The following PHRF1 variants were observed in gnomAD, a reference collection of about 807,000 sequenced individuals.
PHRF1 encodes PHD and ring finger domains 1, also known as PHD and RING finger domain-containing protein 1.
In PHRF1, 53 loss-of-function variants were observed where a neutral mutation model predicts 128.9. The observed-to-expected ratio is 0.41, with a 90% CI of 0.33 to 0.52. The LOEUF (loss-of-function observed/expected upper bound fraction) is 0.52, where lower values mean the gene tolerates loss of function less well. Among genes scored for constraint, PHRF1 ranks in the 20% least tolerant of loss-of-function variants. PHRF1 has a pLI of 0.21. For missense variants in PHRF1, 2,503 were observed against 2,284.5 expected (o/e 1.10, Z -1.95); for synonymous variants, 1,178 against 980.6 (o/e 1.20, Z -3.76).
chr11:601,217 G>C (rs926528247), intron 9 of PHRF1, among the ~76,000 whole-genome samples: 7 of 152,108 alleles, frequency 4.6e-5, no homozygotes, highest in Non-Finnish European at 1.5e-5. Context: ...GGCTGAGGCA[G>C]GAGGATCGCT....
intron 4 of PHRF1, among the ~76,000 whole-genome samples, chr11:587,755 CT>C (rs1854662775): frequency 6.6e-6 from 1 of 152,160 alleles, no homozygotes; most frequent in African/African-American, 2.4e-5. Context: ...TAGGGGCCAT[CT>C]TGGCCTGCAA....
chr11:591,800 G>A (rs961398838), intron 5 of PHRF1, among the ~76,000 whole-genome samples: 2 of 152,116 alleles, frequency 1.3e-5, no homozygotes, highest in African/African-American at 4.8e-5. Flanking sequence ...AGGCTGGAGT[G>A]CAGTAGCACA....
chr11:586,943 C>T (rs1854602320), intron 3 of PHRF1, among the ~76,000 whole-genome samples: 1 of 152,150 alleles, frequency 6.6e-6, no homozygotes, highest in Non-Finnish European at 1.5e-5. Context: ...CTGTGCTAGG[C>T]CCCAGGGCTG....
chr11:608,066 C>G lies in PHRF1; in HGVS notation c.2610C>G (p.Ala870=). 6.2e-7 allele frequency: 1 copy of G among 1,611,662 alleles called. No individual in the cohort carries two copies. The highest frequency in any genetic ancestry group is 8.5e-7 in the Non-Finnish European group (1 of 1,179,872). Residue 870 remains alanine, a synonymous_variant, in exon 14 of 18, where the codon GCC becomes GCG. Transcript: ENST00000264555. ...CCATCTCCATCAACAGCCCGAAGGC[C>G]CAGACGGTGCAGGCTGTGCGCTGCG... The part of the protein sequence containing the change: ...TRTISINSPK[A]QTVQAVRCVT...
In PHRF1 at chr11:582,000, G is replaced by C. The variant is rs1419741372; in HGVS notation, c.133G>C (p.Asp45His). 6.2e-7 allele frequency: 1 copy of C among 1,607,752 alleles called. No individual in the cohort carries two copies. Among genetic ancestry groups the C allele is most frequent in the Non-Finnish European group, 8.5e-7 (1 of 1,177,302 alleles). The change falls in exon 3 of 18, where the codon GAC (aspartate) becomes CAC (histidine). Residue 45 changes from aspartate to histidine, a missense_variant. Coordinates refer to ENST00000264555, the MANE Select transcript of PHRF1 (RefSeq NM_001286581.2). ...GGGCAGCAGTGGGGACTCTGGGGAC[G>C]ACAGTGACAGCGAGCATGGAGATGG... Reference protein sequence around the residue: ...SVGSSGDSGDDSDSEHGDGTD... With the variant: ...SVGSSGDSGDHSDSEHGDGTD...
chr11:599,773 G>T (rs1337411028), intron 9 of PHRF1, among the ~76,000 whole-genome samples: 1 of 151,210 alleles, frequency 6.6e-6, no homozygotes, highest in East Asian at 2.0e-4. Context: ...AGGGTCCTGG[G>T]TCTCCAGAGG....
rs368560706 is a variant in PHRF1 at position 602,682 on chromosome 11, A to AAAAAC, written c.1152+1002_1152+1006dup. On this transcript the variant is annotated intron_variant, in intron 10 of 17. Coordinates refer to ENST00000264555, the MANE Select transcript of PHRF1 (RefSeq NM_001286581.2). ...GGAGACGAGAGCAAAACTCTGCCTC[A>AAAAAC]AAAACAAAACAAAACAAAACAAAAC... 8.1e-3 allele frequency among the ~76,000 whole-genome samples: 1,228 copies of AAAAAC among 152,184 alleles called. 12 individuals are homozygous for AAAAAC. The highest frequency in any genetic ancestry group is 0.012 in the Non-Finnish European group (784 of 67,998).
intron 6 of PHRF1, among the ~76,000 whole-genome samples, chr11:594,233 C>T (rs1369640571): frequency 6.6e-6 from 1 of 152,186 alleles, no homozygotes; most frequent in Non-Finnish European, 1.5e-5. Context: ...CCTGGGCTGG[C>T]CTGGAATCGC....
chr11:585,308 C>T lies in PHRF1; in HGVS notation c.215-1951C>T, dbSNP rs1186315282. ...TTCCAGCTTGAGGTAGTAGCCCTTT[C>T]CAGCTTGAGGTAGTAGCCCTTTCCA... On this transcript the variant is annotated intron_variant, in intron 3 of 17. Coordinates refer to ENST00000264555, the MANE Select transcript of PHRF1 (RefSeq NM_001286581.2). 7.8e-3 allele frequency among the ~76,000 whole-genome samples: 287 copies of T among 36,622 alleles called. 5 individuals are homozygous for T. Among genetic ancestry groups the T allele is most frequent in the African/African-American group, 0.035 (267 of 7,638 alleles). 24.0% of individuals were successfully genotyped at this position (36,622 alleles called of 152,430 possible).
At position 609,138 on chromosome 11, in the gene PHRF1, G is replaced by A. The variant is rs754382276; in HGVS notation, c.3682G>A (p.Val1228Ile). 3.1e-6 allele frequency: 5 copies of A among 1,606,408 alleles called. No homozygotes were observed. The East Asian group carries it at 8.9e-5, about 29-fold the overall frequency. Residue 1228 changes from valine (V) to isoleucine (I), a missense_variant, in exon 14 of 18, where the codon GTC becomes ATC. By Grantham distance (29) the Val-to-Ile change is conservative. Transcript: ENST00000264555. ...GTTGCCAGCCTTGGGGGAAGCACAT[G>A]TCTCGCCGGAGGTGGCTACGGCCGA... ...TRLPALGEAH[V>I]SPEVATADKA...
Position 608,832 on chromosome 11 carries a change from A to C in PHRF1, c.3376A>C (p.Thr1126Pro). The change falls in exon 14 of 18, where the codon ACC becomes CCC. Residue 1126 changes from threonine (T) to proline (P), a missense_variant. Transcript: ENST00000264555. Reference protein sequence around the residue: ...SRPRGRECSPTSSLERLCRHK... With the variant: ...SRPRGRECSPPSSLERLCRHK... ...ACCTCGGGGAAGGGAGTGCTCCCCC[A>C]CCAGCAGCCTGGAGAGGCTCTGCAG... 6.2e-7 allele frequency: 1 copy of C among 1,612,192 alleles called. No homozygotes were observed. The highest frequency in any genetic ancestry group is 8.5e-7 in the Non-Finnish European group (1 of 1,179,810).
At position 608,132 on chromosome 11, in the gene PHRF1, C is replaced by T. The variant is rs369581601; in HGVS notation, c.2676C>T (p.Pro892=). 67 of 1,611,496 alleles carry T rather than the reference C, an allele frequency of 4.2e-5. No homozygotes were observed. Among genetic ancestry groups the T allele is most frequent in the African/African-American group, 2.4e-4 (18 of 74,914 alleles). Residue 892 remains proline, a synonymous_variant, in exon 14 of 18, where the codon CCC becomes CCT. Coordinates refer to ENST00000264555, the MANE Select transcript of PHRF1 (RefSeq NM_001286581.2). ...YTVESIFGTE[P]EPPLGPSSAM... is the part of the protein sequence containing the mutation. The stretch of plus-strand genomic sequence containing the variant: ...TGGAGAGCATCTTTGGTACAGAGCC[C>T]GAACCCCCTCTCGGACCGTCCTCCG...
chr11:598,475 A>C lies in PHRF1; in HGVS notation c.997A>C (p.Thr333Pro). 1 of 1,609,762 alleles carries C rather than the reference A, an allele frequency of 6.2e-7. No homozygotes were observed. Among genetic ancestry groups the C allele is most frequent in the Non-Finnish European group, 8.5e-7 (1 of 1,179,462 alleles). Residue 333 changes from threonine to proline, a missense_variant, in exon 9 of 18, where the codon ACT becomes CCT. Transcript: ENST00000264555. ...GTATCAGCGCCCCCTGACGCCGCGCACTCCCGCCCGACGGAAGAGGAAGAC... is the reference window on the plus strand; with the variant it reads ...GTATCAGCGCCCCCTGACGCCGCGCCCTCCCGCCCGACGGAAGAGGAAGAC... ...AVYQRPLTPR[T>P]PARRKRKTRR...
Position 610,758 on chromosome 11 carries a change from G to C in PHRF1, c.4674G>C (p.Glu1558Asp), listed in dbSNP as rs756500136. Residue 1558 changes from glutamate (E) to aspartate (D), a missense_variant, in exon 16 of 18, where the codon GAG (glutamate) becomes GAC (aspartate). Physicochemically the swap from Glu to Asp is conservative, Grantham distance 45. Transcript: ENST00000264555. ...TAGCTGCGGAGAAAACCAAGAAGGA[G>C]GAGGTGAGTCCTGCCTCCTCCCACT... is the stretch of plus-strand genomic sequence containing the variant. ...PRLAAEKTKK[E>D]EYMKKLHMQE... is the part of the protein sequence containing the mutation. 1 of 1,601,034 alleles carries C rather than the reference G, an allele frequency of 6.2e-7. No homozygotes were observed. The highest frequency in any genetic ancestry group is 1.7e-5 in the Admixed American group (1 of 60,008).
intron 9 of PHRF1, among the ~76,000 whole-genome samples, chr11:600,512 A>ATATATATATATATATATATATGTATG (rs1437772767): frequency 6.9e-6 from 1 of 144,514 alleles, no homozygotes; most frequent in African/African-American, 2.6e-5. Context: ...ATATATATAT[A>ATATATATATATATATATATATGTATG]TATATATGGT....
intron 5 of PHRF1, 116 bp from the exon 6 acceptor site, chr11:592,443 A>ACAG: frequency 1.0e-6 from 1 of 996,508 alleles, no homozygotes; most frequent in Non-Finnish European, 1.6e-6. Flanking sequence ...GGGCCTGTGG[A>ACAG]GCCCAAATAT....
At chr11:589,162 G>A (rs7116433) in intron 4 of PHRF1, among the ~76,000 whole-genome samples, 5,923 of 151,954 alleles carry the variant, frequency 0.039, 395 homozygotes, top group African/African-American at 0.13. Flanking sequence ...AACTCTTACA[G>A]ATGAACTGTT....
In PHRF1 at chr11:607,954, C is replaced by A; in HGVS notation, c.2498C>A (p.Ser833Tyr). Residue 833 changes from serine (S) to tyrosine (Y), a missense_variant, in exon 14 of 18, where the codon TCC becomes TAC. Ser to Tyr is a moderately radical substitution (Grantham distance 144, BLOSUM62 -2). Coordinates refer to ENST00000264555, the MANE Select transcript of PHRF1 (RefSeq NM_001286581.2). ...KQLRSEVYDP[S>Y]DPTGSDSSAP... is the part of the protein sequence containing the mutation. ...CTGCGGAGCGAGGTCTACGACCCAT[C>A]CGACCCCACCGGCTCCGACTCCAGC... The A allele has an allele frequency of 6.2e-7, 1 of 1,612,184 alleles. No individual in the cohort carries two copies.
At position 587,385 on chromosome 11, in the gene PHRF1, C is replaced by T. The variant is rs188373855; in HGVS notation, c.341C>T (p.Ala114Val). ...DAESCPICLN[A>V]FRDQAVGTPE... ...GAGAGCTGCCCAATCTGTCTCAACGCATTCAGAGACCAGGCCGTGGGGACG... is the reference window on the plus strand; with the variant it reads ...GAGAGCTGCCCAATCTGTCTCAACGTATTCAGAGACCAGGCCGTGGGGACG... Residue 114 changes from alanine (A) to valine (V), a missense_variant, in exon 4 of 18, where the codon GCA becomes GTA. Coordinates refer to ENST00000264555, the MANE Select transcript of PHRF1 (RefSeq NM_001286581.2). The T allele has an allele frequency of 2.2e-5, 36 of 1,613,900 alleles. No individual in the cohort carries two copies. The East Asian group carries it at 7.8e-4, about 35-fold the overall frequency.
Sources: allele counts gnomAD v4.1 joint callset (sites outside exome capture counted in the v4.1 genomes callset), GRCh38; gene constraint gnomAD v4.1.1; transcripts MANE v1.5; gene names NCBI Gene and HGNC (gene_info 2026-07-23, HGNC 2026-07-21).